The following NCOR2 variants were observed in gnomAD, a reference collection of about 807,000 sequenced individuals.
NCOR2 encodes nuclear receptor corepressor 2, also known as CTG repeat protein 26.
NCOR2 carries 81 observed loss-of-function variants against 262.9 expected under a neutral mutation model. The ratio of observed to expected loss-of-function variants is 0.31; its 90% CI spans 0.26 to 0.37. The LOEUF (loss-of-function observed/expected upper bound fraction) is 0.37. Among genes scored for constraint, NCOR2 ranks in the 10% least tolerant of loss-of-function variants. The pLI, the probability that NCOR2 is intolerant of heterozygous loss-of-function variation, is 1.00. For missense variants in NCOR2, 3,385 were observed against 3,621.4 expected (o/e 0.93, Z 1.68); for synonymous variants, 1,659 against 1,559.3 (o/e 1.06, Z -1.51).
At chr12:124,561,839 G>C (rs915137491) in intron 1 of NCOR2, 9 of 152,090 alleles carry the variant, frequency 5.9e-5, no homozygotes, top group African/African-American at 2.2e-4. Flanking sequence ...AACATAGAGA[G>C]ACTCCATCTC....
chr12:124,460,197 C>T (rs2046092488), intron 5 of NCOR2, among the ~76,000 whole-genome samples: 1 of 152,244 alleles, frequency 6.6e-6, no homozygotes. Context: ...AAGGTGCCTG[C>T]TCTGTTCTCT....
At chr12:124,342,224 T>C (rs1232406397) in intron 33 of NCOR2, 150 bp from the exon 36 acceptor site, 1 of 917,542 alleles carries the variant, frequency 1.1e-6, no homozygotes, top group Non-Finnish European at 1.6e-6. Context: ...GAACTGAGCG[T>C]CGGACAGCAG....
chr12:124,385,703 C>G, intron 17 of NCOR2, 42 bp downstream of exon 19: 1 of 1,605,674 alleles, frequency 6.2e-7, no homozygotes, highest in Non-Finnish European at 8.5e-7. Flanking sequence ...GGCTCCTCTC[C>G]CAGCTTCCCA....
chr12:124,505,839 T>TAGGC (rs1349174689), intron 1 of NCOR2, among the ~76,000 whole-genome samples: 5 of 152,112 alleles, frequency 3.3e-5, no homozygotes, highest in Non-Finnish European at 7.4e-5. Context: ...GCCTTGCAGA[T>TAGGC]AGGCAAACTG....
At chr12:124,325,392 C>CCA in exon 47 of NCOR2, 3 of 1,152,270 alleles carry the variant, frequency 2.6e-6, no homozygotes, top group Non-Finnish European at 3.3e-6. Flanking sequence ...CCCCCCCGCC[C>CCA]TGTTCTGAGT....
exon 37 of NCOR2, chr12:124,340,017 G>T: frequency 6.2e-7 from 1 of 1,612,034 alleles, no homozygotes; most frequent in Non-Finnish European, 8.5e-7. Flanking sequence ...TCAGGACCGT[G>T]GGCGTGCTGG....
At chr12:124,478,223 C>A (rs1314808723) in intron 3 of NCOR2, among the ~76,000 whole-genome samples, 1 of 152,206 alleles carries the variant, frequency 6.6e-6, no homozygotes, top group Non-Finnish European at 1.5e-5. Flanking sequence ...GGGACAGGGT[C>A]CTGAGGACAT....
At position 124,457,059 on chromosome 12, in the gene NCOR2, G is replaced by GCCCCCC; in HGVS notation, c.762+46_762+47insGGGGGG. On this transcript the variant is annotated intron_variant, in intron 6 of 46. Coordinates refer to ENST00000405201, the Ensembl canonical transcript of NCOR2. This position sits in a 1 kb window ranked among gnomAD's most constrained non-coding sequence, Gnocchi z 4.0. ...TCCCGCCTCCCTGCCCACCTCTCCAGCCACCCCCGCCCTCCCCTGAGCCCC... is the reference window on the plus strand; with the variant it reads ...TCCCGCCTCCCTGCCCACCTCTCCAGCCCCCCCCACCCCCGCCCTCCCCTGAGCCCC... The GCCCCCC allele has an allele frequency of 3.4e-6, 2 of 594,426 alleles. No homozygotes were observed. The highest frequency in any genetic ancestry group is 5.3e-6 in the Non-Finnish European group (2 of 377,726). The allele number at this position is 594,426 out of a possible 1,614,324, so 36.8% of individuals were successfully genotyped here.
Position 124,355,483 on chromosome 12 carries a change from G to A in NCOR2, c.3330C>T (p.Ser1110=), listed in dbSNP as rs372797133. The A allele has an allele frequency of 5.6e-6, 9 of 1,611,886 alleles. No individual in the cohort carries two copies. The South Asian group carries it at 6.6e-5, about 12-fold the overall frequency. Residue 1110 remains serine (S), a synonymous_variant, in exon 24 of 47, where the codon TCC becomes TCT. Transcript: ENST00000405201. ...CGAGGACGCTGGGGTGCTTGGCAGA[G>A]GAGATGAGGGGAGGCGGGTTGGAGA...
chr12:124,331,265 G>A (rs1382516610), intron 43 of NCOR2, among the ~76,000 whole-genome samples: 1 of 152,068 alleles, frequency 6.6e-6, no homozygotes, highest in African/African-American at 2.4e-5. Flanking sequence ...GTTTCACCAT[G>A]TTGGTCAGGC....
chr12:124,509,312 T>C (rs929528203), intron 1 of NCOR2, among the ~76,000 whole-genome samples: 1 of 149,518 alleles, frequency 6.7e-6, no homozygotes, highest in African/African-American at 2.5e-5. Context: ...GCTGGAATAT[T>C]GGGAACAAGA....
chr12:124,516,340 G>A (rs1396319960), intron 1 of NCOR2, among the ~76,000 whole-genome samples: 1 of 152,178 alleles, frequency 6.6e-6, no homozygotes, highest in Non-Finnish European at 1.5e-5. Flanking sequence ...CTGGCACGGA[G>A]GGGCTCAGGC....
intron 8 of NCOR2, among the ~76,000 whole-genome samples, chr12:124,431,112 T>C (rs564423183): frequency 7.0e-6 from 1 of 143,274 alleles, no homozygotes; most frequent in African/African-American, 2.9e-5. Context: ...CAGACAGATA[T>C]ACACAGGCAC....
At chr12:124,355,047 G>A in intron 24 of NCOR2, 108 bp from the exon 27 acceptor site, 1 of 916,232 alleles carries the variant, frequency 1.1e-6, no homozygotes, top group Non-Finnish European at 1.7e-6. Flanking sequence ...CAGAGGCTGG[G>A]GCTGCTGTCC....
chr12:124,501,057 C>A (rs373753032), intron 1 of NCOR2, among the ~76,000 whole-genome samples: 1 of 43,362 alleles, frequency 2.3e-5, no homozygotes, highest in Admixed American at 3.1e-4. Flanking sequence ...CGCGCGCGCA[C>A]GCGCGCACAC....
chr12:124,349,200 A>G (rs2037213550), intron 28 of NCOR2, among the ~76,000 whole-genome samples: 1 of 152,178 alleles, frequency 6.6e-6, no homozygotes, highest in African/African-American at 2.4e-5. Context: ...ACAGGCAGAG[A>G]GGTGAACAGA....
At position 124,420,130 on chromosome 12, in the gene NCOR2, C is replaced by T. The variant is rs2043129634; in HGVS notation, c.1384-75G>A. ...AGGGCAGGAGCCAGGAGCTCACATCCTGGGCTCATATCCTGCCTCTTCCAC... is the reference window on the plus strand; with the variant it reads ...AGGGCAGGAGCCAGGAGCTCACATCTTGGGCTCATATCCTGCCTCTTCCAC... On this transcript the variant is annotated intron_variant, in intron 12 of 46. Transcript: ENST00000405201. The T allele has an allele frequency of 8.7e-6, 11 of 1,264,130 alleles. No homozygotes were observed. The South Asian group carries it at 1.3e-4, about 15-fold the overall frequency. 78.3% of individuals were successfully genotyped at this position (1,264,130 alleles called of 1,614,324 possible).
chr12:124,392,910 C>T (rs1435017177), intron 16 of NCOR2, among the ~76,000 whole-genome samples: 1 of 152,246 alleles, frequency 6.6e-6, no homozygotes, highest in Non-Finnish European at 1.5e-5. Context: ...TGGGGTCTGC[C>T]CGGGCTTACT....
At chr12:124,473,827 C>A (rs142727081) in intron 3 of NCOR2, among the ~76,000 whole-genome samples, 3 of 152,038 alleles carry the variant, frequency 2.0e-5, no homozygotes, top group Non-Finnish European at 4.4e-5. Flanking sequence ...AATACACACC[C>A]CCTCCCCAAT....
Sources: gnomAD v4.1 joint callset for allele counts (sites outside exome capture counted in the v4.1 genomes callset) on GRCh38, gnomAD v4.1.1 for gene constraint, Gnocchi (gnomAD v3.1) non-coding constraint, MANE v1.5 for transcripts, NCBI Gene and HGNC (gene_info 2026-07-23, HGNC 2026-07-21) for gene names.